The following JMJD1C variants were observed in gnomAD, a reference collection of about 807,000 sequenced individuals.
JMJD1C encodes the protein jumonji domain-containing protein 1C.
A neutral mutation model predicts 245.3 loss-of-function variants in JMJD1C; 31 were observed. The observed-to-expected ratio is 0.13, with a 90% confidence interval of 0.09 to 0.17. JMJD1C has a LOEUF of 0.17. JMJD1C is among the 10% of genes least tolerant of loss of function. The pLI is 1.00. For synonymous variants in JMJD1C, 1,057 were observed against 1,017.4 expected (o/e 1.04, Z -0.74); for missense variants, 2,691 against 3,000.2 (o/e 0.90, Z 2.41).
intron 2 of JMJD1C, among the ~76,000 whole-genome samples, chr10:63,358,011 GA>G (rs1945010234): frequency 6.6e-6 from 1 of 151,272 alleles, no homozygotes; most frequent in Non-Finnish European, 1.5e-5. Context: ...TTCTGGACAG[GA>G]GAAAAATGGA....
intron 2 of JMJD1C, among the ~76,000 whole-genome samples, chr10:63,324,356 C>T (rs1163387118): frequency 2.6e-5 from 4 of 152,032 alleles, no homozygotes; most frequent in Non-Finnish European, 5.9e-5. Flanking sequence ...AAATCAAACT[C>T]GTGTCTATCT....
chr10:63,211,823 C>CAAA (rs59121081), intron 8 of JMJD1C, among the ~76,000 whole-genome samples: 33 of 77,604 alleles, frequency 4.3e-4, no homozygotes, highest in African/African-American at 8.1e-4. Flanking sequence ...GACTCTGTCT[C>CAAA]AAAAAAAAAA....
At chr10:63,442,251 C>T (rs1393167896) in intron 1 of JMJD1C, among the ~76,000 whole-genome samples, 1 of 152,124 alleles carries the variant, frequency 6.6e-6, no homozygotes, top group Non-Finnish European at 1.5e-5. Flanking sequence ...AAAACGCCAA[C>T]AATTTTTAAA....
At chr10:63,337,636 A>AAAGAAAAG (rs1430913668) in intron 2 of JMJD1C, among the ~76,000 whole-genome samples, 2 of 151,036 alleles carry the variant, frequency 1.3e-5, no homozygotes, top group Non-Finnish European at 2.9e-5. Flanking sequence ...AAAGAAAAGA[A>AAAGAAAAG]AAAAAATCCG....
At position 63,380,493 on chromosome 10, in the gene JMJD1C, A is replaced by C. The variant is rs761503841; in HGVS notation, c.169-11T>G. On this transcript the variant is annotated splice_polypyrimidine_tract_variant and intron_variant, in intron 1 of 25. Transcript: ENST00000399262. The stretch of plus-strand genomic sequence containing the variant: ...AAATTCCACATACACCTATGAAAAC[A>C]AAAACACAAAATTCAATTAGCAAAA... 80 of 1,596,142 alleles carry C rather than the reference A, an allele frequency of 5.0e-5. No individual in the cohort carries two copies. Among genetic ancestry groups the C allele is most frequent in the Middle Eastern group, 1.7e-4 (1 of 5,834 alleles).
chr10:63,380,123 T>G (rs943216047), intron 2 of JMJD1C, 195 bp downstream of exon 2: 4 of 415,354 alleles, frequency 9.6e-6, no homozygotes, highest in South Asian at 5.8e-5. Flanking sequence ...TTTTTTTTTT[T>G]GGTAGAGATG....
chr10:63,468,986 A>AT (rs201625838), upstream of JMJD1C, among the ~76,000 whole-genome samples: 4 of 152,176 alleles, frequency 2.6e-5, no homozygotes, highest in East Asian at 3.9e-4. Context: ...CCCACAAACT[A>AT]TTTTGTTTTT....
At position 63,193,171 on chromosome 10, in the gene JMJD1C, A is replaced by C; in HGVS notation, c.5863-20T>G. The C allele has an allele frequency of 6.3e-7, 1 of 1,580,020 alleles. No individual in the cohort carries two copies. The highest frequency in any genetic ancestry group is 8.7e-7 in the Non-Finnish European group (1 of 1,152,256). The stretch of plus-strand genomic sequence containing the variant: ...TAAAACCTACAAAGGTAGAACAATT[A>C]CATTTTTAAACACTTTCTTCAATAA... On this transcript the variant is annotated intron_variant, in intron 15 of 25. Transcript: ENST00000399262.
intron 2 of JMJD1C, among the ~76,000 whole-genome samples, chr10:63,377,299 A>AAATGT (rs1284425279): frequency 1.3e-5 from 2 of 152,330 alleles, no homozygotes; most frequent in Non-Finnish European, 1.5e-5. Flanking sequence ...GCAAGACAGA[A>AAATGT]AATGTTCTGT....
intron 1 of JMJD1C, among the ~76,000 whole-genome samples, chr10:63,504,257 C>T (rs1019807823): frequency 6.6e-6 from 1 of 152,150 alleles, no homozygotes; most frequent in African/African-American, 2.4e-5. Flanking sequence ...CATTCCTGCT[C>T]TAACAGAGCT....
intron 1 of JMJD1C, among the ~76,000 whole-genome samples, chr10:63,452,074 A>G (rs139214838): frequency 2.1e-3 from 313 of 152,310 alleles, no homozygotes; most frequent in South Asian, 4.3e-3. Flanking sequence ...CAACAACAAA[A>G]TAAAAGATGG....
intron 25 of JMJD1C, 89 bp from the exon 26 acceptor site, chr10:63,168,223 G>A (rs180683421): frequency 1.4e-3 from 1,572 of 1,128,370 alleles, no homozygotes; most frequent in Non-Finnish European, 1.7e-3. Context: ...AAATAATAGG[G>A]AACTAGGAAA....
rs1951919137 is a variant in JMJD1C at position 63,449,642 on chromosome 10, G to A, written c.168+15853C>T. Among the ~76,000 whole-genome samples the A allele has an allele frequency of 2.0e-5, 3 of 152,026 alleles. No homozygotes were observed. In the South Asian group the frequency reaches 6.2e-4, roughly 31 times the overall value. ...ACATCTAAGTGTCAAAATATATAGT[G>A]TCTAAGAATAAGCCTAACAAACACA... On this transcript the variant is annotated intron_variant, in intron 1 of 25. Transcript: ENST00000399262.
intron 2 of JMJD1C, among the ~76,000 whole-genome samples, chr10:63,276,302 T>C (rs1294322752): frequency 6.6e-6 from 1 of 151,824 alleles, no homozygotes; most frequent in Non-Finnish European, 1.5e-5. Context: ...CCGTCTCTAC[T>C]AAAAATACAA....
chr10:63,274,855 T>G (rs1227387131), intron 2 of JMJD1C, among the ~76,000 whole-genome samples: 1 of 151,448 alleles, frequency 6.6e-6, no homozygotes, highest in East Asian at 1.9e-4. Flanking sequence ...TAGCAGAGTA[T>G]TCAGTCTTTT....
intron 3 of JMJD1C, among the ~76,000 whole-genome samples, chr10:63,261,853 T>C (rs890955887): frequency 6.6e-6 from 1 of 152,314 alleles, no homozygotes; most frequent in Non-Finnish European, 1.5e-5. Flanking sequence ...GGTGGCAGAC[T>C]GGGAATTCCC....
chr10:63,488,791 G>A (rs747193978), intron 1 of JMJD1C, among the ~76,000 whole-genome samples: 24 of 152,208 alleles, frequency 1.6e-4, no homozygotes, highest in Admixed American at 2.6e-4. Context: ...TTGATAACCT[G>A]CAGTGGGTGT....
intron 1 of JMJD1C, among the ~76,000 whole-genome samples, chr10:63,506,665 G>A (rs1329748097): frequency 6.6e-6 from 1 of 152,022 alleles, no homozygotes; most frequent in East Asian, 1.9e-4. Flanking sequence ...AAAGTACAGA[G>A]TTCCCATTTA....
intron 15 of JMJD1C, 70 bp from the exon 16 acceptor site, chr10:63,193,221 A>G: frequency 1.3e-6 from 2 of 1,490,090 alleles, no homozygotes; most frequent in Non-Finnish European, 1.8e-6. Flanking sequence ...TAGATACAAA[A>G]AATTTACACA....
Sources: gnomAD v4.1 joint callset for allele counts (sites outside exome capture counted in the v4.1 genomes callset) on GRCh38, gnomAD v4.1.1 for gene constraint, MANE v1.5 for transcripts, NCBI Gene and HGNC (gene_info 2026-07-23, HGNC 2026-07-21) for gene names.